CHD3: variants seen among roughly 807,000 people sequenced by gnomAD.
CHD3 encodes ATP-dependent chromatin remodeler CHD3.
A neutral mutation model predicts 248.9 loss-of-function variants in CHD3; 52 were observed. The ratio of observed to expected loss-of-function variants is 0.21; its 90% confidence interval spans 0.17 to 0.26. The LOEUF (loss-of-function observed/expected upper bound fraction) is 0.26, where lower values mean the gene tolerates loss of function less well. CHD3 is among the 10% of genes least tolerant of loss of function. The pLI, the probability that CHD3 is intolerant of heterozygous loss-of-function variation, is 1.00. For missense variants in CHD3, 1,482 were observed against 2,605.8 expected, an observed-to-expected ratio of 0.57 and a Z score of 9.39; for synonymous variants, 985 against 985.2, an observed-to-expected ratio of 1.00 and a Z score of 0.00.
At chr17:7,891,474 T>G (rs1968851090) in intron 4 of CHD3, among the ~76,000 whole-genome samples, 1 of 152,158 alleles carries the variant, frequency 6.6e-6, no homozygotes, top group Non-Finnish European at 1.5e-5. Flanking sequence ...TGCCCCTTCC[T>G]TAGGCCCTGG....
intron 10 of CHD3, among the ~76,000 whole-genome samples, chr17:7,896,732 C>T (rs542765786): frequency 4.5e-4 from 67 of 149,250 alleles, no homozygotes; most frequent in South Asian, 3.8e-3. Context: ...GATCTTGGCT[C>T]GCTGCAACCT....
In CHD3 at chr17:7,894,991, G is replaced by C; in HGVS notation, c.1344G>C (p.Glu448Asp). ...EYEEEGEEEGEKEEEDDHMEY... is the reference protein window; with the variant it reads ...EYEEEGEEEGDKEEEDDHMEY... ...AAGAGGAGGGAGAGGAAGAAGGGGA[G>C]AAGGAGGAGGAGGATGATCACATGG... The change falls in exon 9 of 40, where the codon GAG becomes GAC. Residue 448 changes from glutamate (E) to aspartate (D), a missense_variant. Physicochemically the swap from Glu to Asp is conservative, Grantham distance 45. This residue lies in a region of CHD3 where 138 missense variants were observed against 241.1 expected (regional missense o/e 0.57). Transcript: ENST00000330494. 2 of 1,614,020 alleles carry C rather than the reference G, an allele frequency of 1.2e-6. No individual in the cohort carries two copies. The highest frequency in any genetic ancestry group is 1.7e-6 in the Non-Finnish European group (2 of 1,179,944).
chr17:7,889,228 G>C lies in CHD3; in HGVS notation c.100+128G>C. The C allele has an allele frequency of 8.4e-7, 1 of 1,191,996 alleles. No individual in the cohort carries two copies. Among genetic ancestry groups the C allele is most frequent in the Non-Finnish European group, 1.2e-6 (1 of 848,746 alleles). The allele number at this position is 1,191,996 out of a possible 1,614,324, so 73.8% of individuals were successfully genotyped here. A position where few individuals can be genotyped will look rare whatever the true frequency, so the allele number is the denominator to read the frequency against. On this transcript the variant is annotated intron_variant, in intron 1 of 39. Coordinates refer to ENST00000330494, the MANE Select transcript of CHD3 (RefSeq NM_001005273.3). This position sits in a 1 kb window ranked among gnomAD's most constrained non-coding sequence, Gnocchi z 4.5. ...CCCTCCCCAGCATCTGGCTTAGGGA[G>C]CTGCCAGCTTGTGTCTCCCCACTCC...
chr17:7,903,340 G>C lies in CHD3; in HGVS notation c.3564G>C (p.Ala1188=). 1 of 1,614,166 alleles carries C rather than the reference G, an allele frequency of 6.2e-7. No homozygotes were observed. The highest frequency in any genetic ancestry group is 8.5e-7 in the Non-Finnish European group (1 of 1,180,030). ...TGATTTACCGGTTTGTGACTCGCGC[G>C]TCAGTGGAAGAGCGAATCACACAAG... ...KVMIYRFVTR[A]SVEERITQVA... The change falls in exon 23 of 40, where the codon GCG becomes GCC. Residue 1188 remains alanine (A), a synonymous_variant. Transcript: ENST00000330494. This position sits in a 1 kb window ranked among gnomAD's most constrained non-coding sequence, Gnocchi z 6.8.
chr17:7,895,616 T>C lies in CHD3; in HGVS notation c.1707+74T>C. 3 of 1,324,140 alleles carry C rather than the reference T, an allele frequency of 2.3e-6. No individual in the cohort carries two copies. Among genetic ancestry groups the C allele is most frequent in the Non-Finnish European group, 3.2e-6 (3 of 930,006 alleles). The allele number at this position is 1,324,140 out of a possible 1,614,324, so 82.0% of individuals were successfully genotyped here. On this transcript the variant is annotated intron_variant, in intron 10 of 39. Coordinates refer to ENST00000330494, the MANE Select transcript of CHD3 (RefSeq NM_001005273.3). The surrounding 1 kb of genome is among the most constrained non-coding windows in gnomAD (Gnocchi z 4.9). The stretch of plus-strand genomic sequence containing the variant: ...ATCCTCTCCCTCTCTTACTCCTCTG[T>C]TTGTTGGGTTCCCATACTCTTTGTT...
In CHD3 at chr17:7,910,917, C is replaced by A. The variant is rs1971579996; in HGVS notation, c.5825C>A (p.Ala1942Asp). 3 of 1,613,498 alleles carry A rather than the reference C, an allele frequency of 1.9e-6. No individual in the cohort carries two copies. The highest frequency in any genetic ancestry group is 2.5e-6 in the Non-Finnish European group (3 of 1,179,850). Residue 1942 changes from alanine (A) to aspartate (D), a missense_variant, in exon 39 of 40, where the codon GCC (alanine) becomes GAC (aspartate). Physicochemically the swap from Ala to Asp is moderately radical, Grantham distance 126. Around this residue, in one of 20 missense-constraint regions of CHD3, gnomAD observed 117 missense variants for 137.2 expected, o/e 0.85. Transcript: ENST00000330494. This position sits in a 1 kb window ranked among gnomAD's most constrained non-coding sequence, Gnocchi z 4.7. ...GAAFSAAPVGALAAAGANYSQ... is the reference protein window; with the variant it reads ...GAAFSAAPVGDLAAAGANYSQ... ...GCCTTCAGCGCCGCACCCGTAGGGG[C>A]CCTGGCCGCCGCAGGCGCCAATTAC...
At chr17:7,885,980 C>T (rs1474768012), upstream of CHD3, among the ~76,000 whole-genome samples, 1 of 152,144 alleles carries the variant, frequency 6.6e-6, no homozygotes, top group South Asian at 2.1e-4. Flanking sequence ...CCCTTCATCT[C>T]GCCGGGGCTC....
At chr17:7,896,913 C>T (rs919462379) in intron 10 of CHD3, among the ~76,000 whole-genome samples, 170 bp from the exon 11 acceptor site, 4 of 152,200 alleles carry the variant, frequency 2.6e-5, no homozygotes, top group Admixed American at 2.6e-4. Context: ...CCCGCCTGAG[C>T]CTCCTAAAGC....
In CHD3 at chr17:7,910,211, G is replaced by T; in HGVS notation, c.5591-217G>T. 1.6e-6 allele frequency: 1 copy of T among 607,446 alleles called. No individual in the cohort carries two copies. Among genetic ancestry groups the T allele is most frequent in the Non-Finnish European group, 2.9e-6 (1 of 344,240 alleles). 37.6% of individuals were successfully genotyped at this position (607,446 alleles called of 1,614,324 possible). A position where few individuals can be genotyped will look rare whatever the true frequency, so the allele number is the denominator to read the frequency against. ...TCTTCTGTGGTAATCTGGTCTCTCT[G>T]TCTCTTTTCCTGACACTTTTTCTTT... On this transcript the variant is annotated intron_variant, in intron 37 of 39. Transcript: ENST00000330494. This position sits in a 1 kb window ranked among gnomAD's most constrained non-coding sequence, Gnocchi z 4.7.
Position 7,903,023 on chromosome 17 carries a change from A to G in CHD3, c.3457A>G (p.Ile1153Val), listed in dbSNP as rs1970498867. ...TCTGGCCACTGCTGACACTGTCATC[A>G]TCTTTGATTCTGACTGGAACCCCCA... ...INLATADTVI[I>V]FDSDWNPHND... Residue 1153 changes from isoleucine to valine, a missense_variant, in exon 22 of 40, where the codon ATC becomes GTC. By Grantham distance (29) the Ile-to-Val change is conservative (BLOSUM62 3). Coordinates refer to ENST00000330494, the MANE Select transcript of CHD3 (RefSeq NM_001005273.3). The surrounding 1 kb of genome is among the most constrained non-coding windows in gnomAD (Gnocchi z 6.8). 1 of 1,614,004 alleles carries G rather than the reference A, an allele frequency of 6.2e-7. No individual in the cohort carries two copies. Among genetic ancestry groups the G allele is most frequent in the Non-Finnish European group, 8.5e-7 (1 of 1,180,036 alleles).
chr17:7,909,265 G>A lies in CHD3; in HGVS notation c.5517G>A (p.Leu1839=), dbSNP rs1280828177. Residue 1839 remains leucine, a synonymous_variant, in exon 37 of 40, where the codon CTG becomes CTA. Coordinates refer to ENST00000330494, the MANE Select transcript of CHD3 (RefSeq NM_001005273.3). This position sits in a 1 kb window ranked among gnomAD's most constrained non-coding sequence, Gnocchi z 8.1. ...LHARFAEAEC[L]AESHQHLSKE... ...CCCGCTTCGCCGAGGCCGAGTGCCT[G>A]GCCGAGAGCCACCAGCACCTCTCCA... is the stretch of plus-strand genomic sequence containing the variant. The A allele has an allele frequency of 6.4e-7, 1 of 1,556,148 alleles. No homozygotes were observed. Among genetic ancestry groups the A allele is most frequent in the South Asian group, 1.2e-5 (1 of 84,386 alleles).
Position 7,911,476 on chromosome 17 carries a change from G to A in CHD3, c.5894G>A (p.Gly1965Asp), listed in dbSNP as rs747639418. 1.2e-6 allele frequency: 2 copies of A among 1,614,176 alleles called. No homozygotes were observed. The highest frequency in any genetic ancestry group is 1.7e-6 in the Non-Finnish European group (2 of 1,180,016). Residue 1965 changes from glycine to aspartate, a missense_variant, in exon 40 of 40, where the codon GGC (glycine) becomes GAC (aspartate). Around this residue, in one of 20 missense-constraint regions of CHD3, gnomAD observed 117 missense variants for 137.2 expected, o/e 0.85. Transcript: ENST00000330494. This position sits in a 1 kb window ranked among gnomAD's most constrained non-coding sequence, Gnocchi z 5.4. ...AGSFITAATN[G>D]PPVLVKKEKE... Reference sequence around the variant, plus strand: ...CTTTCCCAAACAGCCGCCACCAACGGCCCTCCAGTGCTTGTGAAGAAGGAG... The same window carrying A: ...CTTTCCCAAACAGCCGCCACCAACGACCCTCCAGTGCTTGTGAAGAAGGAG...
Position 7,899,618 on chromosome 17 carries a change from C to A in CHD3, c.2544+75C>A, listed in dbSNP as rs1268236732. ...TTTTTCTCAGCCAGGAATTCAGTTT[C>A]TCTATTCCCCTCCTCACCTTTCTCC... is the stretch of plus-strand genomic sequence containing the variant. On this transcript the variant is annotated intron_variant, in intron 15 of 39. Coordinates refer to ENST00000330494, the MANE Select transcript of CHD3 (RefSeq NM_001005273.3). This position sits in a 1 kb window ranked among gnomAD's most constrained non-coding sequence, Gnocchi z 6.8. 6.3e-6 allele frequency: 9 copies of A among 1,427,464 alleles called. No individual in the cohort carries two copies. The highest frequency in any genetic ancestry group is 8.8e-6 in the Non-Finnish European group (9 of 1,027,420). The allele number at this position is 1,427,464 out of a possible 1,614,324, so 88.4% of individuals were successfully genotyped here. A position where few individuals can be genotyped will look rare whatever the true frequency, so the allele number is the denominator to read the frequency against.
In CHD3 at chr17:7,900,365, G is replaced by T; in HGVS notation, c.2758G>T (p.Glu920Ter). 1 of 1,614,120 alleles carries T rather than the reference G, an allele frequency of 6.2e-7. No individual in the cohort carries two copies. Among genetic ancestry groups the T allele is most frequent in the Non-Finnish European group, 8.5e-7 (1 of 1,180,000 alleles). The change falls in exon 17 of 40, where the codon GAG becomes TAG. Residue 920 changes from glutamate (E) to a stop codon, truncating the protein, a stop_gained. Coordinates refer to ENST00000330494, the MANE Select transcript of CHD3 (RefSeq NM_001005273.3). LOFTEE classifies it high-confidence loss of function. This position sits in a 1 kb window ranked among gnomAD's most constrained non-coding sequence, Gnocchi z 6.5. ...LTGTPLQNNL[E>*]ELFHLLNFLT... ...AGGAACCCCATTGCAGAATAATCTG[G>T]AGGAGCTCTTCCATCTCCTGAACTT...
In CHD3 at chr17:7,905,633, C is replaced by A; in HGVS notation, c.4151C>A (p.Ser1384Ter). 1 of 1,603,928 alleles carries A rather than the reference C, an allele frequency of 6.2e-7. No homozygotes were observed. The highest frequency in any genetic ancestry group is 1.1e-5 in the South Asian group (1 of 89,578). The part of the protein sequence containing the change: ...FDERPEGRRQ[S>*]KRQLRNEKDK... ...TCCCCACCCTCAGGGCGTAGACAGT[C>A]AAAGAGGCAGCTCCGGAATGAGAAA... Residue 1384 changes from serine to a stop codon, truncating the protein, a stop_gained, in exon 27 of 40, where the codon TCA becomes TAA. Transcript: ENST00000330494. LOFTEE classifies it high-confidence loss of function. This position sits in a 1 kb window ranked among gnomAD's most constrained non-coding sequence, Gnocchi z 5.8.
At chr17:7,887,515 CTT>C (rs1197335426), upstream of CHD3, among the ~76,000 whole-genome samples, 1 of 152,080 alleles carries the variant, frequency 6.6e-6, no homozygotes, top group Non-Finnish European at 1.5e-5. Flanking sequence ...CTGGTAGTTT[CTT>C]TGCAAAAGGT....
At position 7,908,363 on chromosome 17, in the gene CHD3, A is replaced by G; in HGVS notation, c.5153-39A>G. Reference sequence around the variant, plus strand: ...TCTGTTGGACTGAGTGCAGTCTGCAAAACCCTGTTACCTCTTCTGTCTGCT... The same window carrying G: ...TCTGTTGGACTGAGTGCAGTCTGCAGAACCCTGTTACCTCTTCTGTCTGCT... On this transcript the variant is annotated intron_variant, in intron 34 of 39. Coordinates refer to ENST00000330494, the MANE Select transcript of CHD3 (RefSeq NM_001005273.3). The surrounding 1 kb of genome is among the most constrained non-coding windows in gnomAD (Gnocchi z 5.8). 1 of 1,549,380 alleles carries G rather than the reference A, an allele frequency of 6.5e-7. No individual in the cohort carries two copies. The highest frequency in any genetic ancestry group is 1.1e-5 in the South Asian group (1 of 87,250).
In CHD3 at chr17:7,895,320, G is replaced by C; in HGVS notation, c.1504-19G>C. The C allele has an allele frequency of 1.2e-6, 2 of 1,613,460 alleles. No homozygotes were observed. Among genetic ancestry groups the C allele is most frequent in the Non-Finnish European group, 1.7e-6 (2 of 1,179,670 alleles). ...TCTGCCTCTTTCTTTCCTCCTCCTT[G>C]TACGTGTCCATCCCAAAGTGCCCCG... On this transcript the variant is annotated intron_variant, in intron 9 of 39. Coordinates refer to ENST00000330494, the MANE Select transcript of CHD3 (RefSeq NM_001005273.3). The surrounding 1 kb of genome is among the most constrained non-coding windows in gnomAD (Gnocchi z 4.9).
Position 7,911,625 on chromosome 17 carries a change from G to T in CHD3, c.*40G>T. 6.2e-7 allele frequency: 1 copy of T among 1,612,820 alleles called. No homozygotes were observed. The highest frequency in any genetic ancestry group is 8.5e-7 in the Non-Finnish European group (1 of 1,179,246). ...TGCCCTTCACCCAGGCCCCGTCCCC[G>T]AGGCCGACCCCCAGCTCAAGCGCTG... On this transcript the variant is annotated 3_prime_UTR_variant, in exon 40 of 40. Coordinates refer to ENST00000330494, the MANE Select transcript of CHD3 (RefSeq NM_001005273.3). This position sits in a 1 kb window ranked among gnomAD's most constrained non-coding sequence, Gnocchi z 5.4.
Sources: allele counts gnomAD v4.1 joint callset (sites outside exome capture counted in the v4.1 genomes callset), GRCh38; gene constraint gnomAD v4.1.1; regional missense constraint gnomAD v4.1.1; non-coding constraint Gnocchi (gnomAD v3.1); transcripts MANE v1.5; gene names NCBI Gene and HGNC (gene_info 2026-07-23, HGNC 2026-07-21).